TASP1: variants seen among roughly 807,000 people sequenced by gnomAD.
The protein encoded by TASP1 is threonine aspartase 1.
A neutral mutation model predicts 56.6 loss-of-function variants in TASP1; 16 were observed. The ratio of observed to expected loss-of-function variants is 0.28; its 90% CI spans 0.19 to 0.43. TASP1 has a LOEUF of 0.43. TASP1 is among the 20% of genes least tolerant of loss of function. TASP1 has a pLI of 1.00. For missense variants in TASP1, 393 were observed against 511.6 expected (o/e 0.77, Z 2.24); for synonymous variants, 179 against 184.2 (o/e 0.97, Z 0.23).
At chr20:13,437,718 GACAA>G (rs749264000) in intron 11 of TASP1, among the ~76,000 whole-genome samples, 2 of 152,098 alleles carry the variant, frequency 1.3e-5, no homozygotes, top group African/African-American at 2.4e-5. Context: ...ACCAATAACA[GACAA>G]ACAGAGAGCC....
rs1315851078 is a variant in TASP1 at position 13,629,985 on chromosome 20, T to C, written c.94A>G (p.Thr32Ala). The C allele has an allele frequency of 6.2e-7, 1 of 1,613,978 alleles. No homozygotes were observed. The highest frequency in any genetic ancestry group is 1.3e-5 in the African/African-American group (1 of 74,934). Residue 32 changes from threonine (T) to alanine (A), a missense_variant, in exon 2 of 14, where the codon ACA becomes GCA. Around this residue, in one of 3 missense-constraint regions of TASP1, gnomAD observed 52 missense variants for 51.1 expected, o/e 1.02. Transcript: ENST00000337743. ...AGKITAKELE[T>A]KQSYKEKRGG... ...CGTTTCTCTTTATAGGACTGCTTTGTTTCCAACTCTTTGGCTGTTATTTTA... is the reference window on the plus strand; with the variant it reads ...CGTTTCTCTTTATAGGACTGCTTTGCTTCCAACTCTTTGGCTGTTATTTTA...
intron 13 of TASP1, among the ~76,000 whole-genome samples, chr20:13,405,898 C>T (rs116140685): frequency 0.01 from 1,579 of 152,174 alleles, 28 homozygotes; most frequent in African/African-American, 0.036. Context: ...AATTCTGAGA[C>T]AATATTTAAT....
intron 12 of TASP1, among the ~76,000 whole-genome samples, chr20:13,424,797 C>T (rs539060462): frequency 2.8e-4 from 42 of 152,056 alleles, no homozygotes; most frequent in African/African-American, 8.9e-4. Flanking sequence ...GCCCAGACCA[C>T]GAAAAGATTC....
the TASP1 span, among the ~76,000 whole-genome samples, chr20:13,146,738 C>G: frequency 6.6e-6 from 1 of 152,134 alleles, no homozygotes; most frequent in Non-Finnish European, 1.5e-5. Context: ...CTATTGCCAC[C>G]TCAGCAGCTG....
the TASP1 span, among the ~76,000 whole-genome samples, chr20:13,322,458 A>G: frequency 6.6e-6 from 1 of 152,214 alleles, no homozygotes; most frequent in Non-Finnish European, 1.5e-5. Flanking sequence ...GCAGCTGACC[A>G]TATTGCAAAC....
At chr20:13,497,030 T>C (rs1352994493) in intron 10 of TASP1, among the ~76,000 whole-genome samples, 1 of 152,192 alleles carries the variant, frequency 6.6e-6, no homozygotes, top group Non-Finnish European at 1.5e-5. Context: ...TGAGCTACCA[T>C]GATGCATCAG....
chr20:13,381,665 T>G, the TASP1 span, among the ~76,000 whole-genome samples: 1 of 152,232 alleles, frequency 6.6e-6, no homozygotes, highest in African/African-American at 2.4e-5. Context: ...AGCACCCTTA[T>G]GCTTGCACTT....
chr20:13,490,744 T>A (rs1370461250), intron 10 of TASP1, among the ~76,000 whole-genome samples: 1 of 149,412 alleles, frequency 6.7e-6, no homozygotes, highest in African/African-American at 2.4e-5. Context: ...GGTTAGTATC[T>A]GTTCTGCAGT....
chr20:13,408,444 C>T (rs1472225555), intron 13 of TASP1, among the ~76,000 whole-genome samples: 1 of 152,144 alleles, frequency 6.6e-6, no homozygotes, highest in African/African-American at 2.4e-5. Context: ...ATATTCATGA[C>T]AGCTATTGGT....
At chr20:13,175,888 T>A in the TASP1 span, among the ~76,000 whole-genome samples, 1 of 152,156 alleles carries the variant, frequency 6.6e-6, no homozygotes, top group East Asian at 1.9e-4. Context: ...CCAGAAACCA[T>A]AACAATAGAT....
chr20:13,563,230 G>A (rs6109948), intron 7 of TASP1, among the ~76,000 whole-genome samples: 1,698 of 151,564 alleles, frequency 0.011, 41 homozygotes, highest in African/African-American at 0.038. Context: ...CTACAAGACT[G>A]CATCATGAAG....
At chr20:13,366,735 A>G in the TASP1 span, among the ~76,000 whole-genome samples, 40 of 152,326 alleles carry the variant, frequency 2.6e-4, no homozygotes, top group Non-Finnish European at 4.9e-4. Flanking sequence ...ATGAGCATTT[A>G]ATAGATACAC....
chr20:13,160,486 C>T, the TASP1 span, among the ~76,000 whole-genome samples: 1 of 152,108 alleles, frequency 6.6e-6, no homozygotes, highest in African/African-American at 2.4e-5. Context: ...TTTTCATAGC[C>T]ACTAAATCTG....
At chr20:13,329,805 G>C in the TASP1 span, among the ~76,000 whole-genome samples, 1 of 151,964 alleles carries the variant, frequency 6.6e-6, no homozygotes, top group Non-Finnish European at 1.5e-5. Context: ...CAGTATAATG[G>C]AGAATAAGAG....
chr20:13,626,689 C>G (rs2048904093), intron 2 of TASP1, among the ~76,000 whole-genome samples: 1 of 152,128 alleles, frequency 6.6e-6, no homozygotes, highest in South Asian at 2.1e-4. Context: ...TTCACAGAGC[C>G]TGTGCCAATA....
intron 10 of TASP1, among the ~76,000 whole-genome samples, chr20:13,526,922 T>G (rs1296772084): frequency 6.6e-6 from 1 of 152,106 alleles, no homozygotes; most frequent in African/African-American, 2.4e-5. Flanking sequence ...GTCTGATATG[T>G]ATACACAGCA....
At chr20:13,391,764 G>T (rs2041290228) in intron 13 of TASP1, among the ~76,000 whole-genome samples, 1 of 151,874 alleles carries the variant, frequency 6.6e-6, no homozygotes, top group African/African-American at 2.4e-5. Context: ...TCAGGAGATA[G>T]AGACCATCCT....
chr20:13,252,839 C>T, the TASP1 span, among the ~76,000 whole-genome samples: 1 of 152,134 alleles, frequency 6.6e-6, no homozygotes, highest in African/African-American at 2.4e-5. Flanking sequence ...TTTTTCTCCA[C>T]TCTCTCTTGT....
chr20:13,435,011 G>C, intron 12 of TASP1, 33 bp downstream of exon 12: 1 of 1,463,684 alleles, frequency 6.8e-7, no homozygotes, highest in Non-Finnish European at 9.3e-7. Flanking sequence ...AAAAAAAATA[G>C]AAAGACACAC....
Sources: allele counts gnomAD v4.1 joint callset (sites outside exome capture counted in the v4.1 genomes callset), GRCh38; gene constraint gnomAD v4.1.1; regional missense constraint gnomAD v4.1.1; transcripts MANE v1.5; gene names NCBI Gene and HGNC (gene_info 2026-07-23, HGNC 2026-07-21).